Variants in CDC42BPA observed in about 807,000 individuals in gnomAD.
CDC42BPA encodes the protein serine/threonine-protein kinase MRCK alpha.
CDC42BPA carries 80 observed loss-of-function variants against 223.5 expected under a neutral mutation model. That is an observed-to-expected ratio of 0.36 (90% confidence interval 0.30 to 0.43). The LOEUF is 0.43. Ranked by LOEUF, CDC42BPA falls within the 20% of genes least tolerant of loss-of-function variation. The pLI, the probability that CDC42BPA is intolerant of heterozygous loss-of-function variation, is 1.00. For missense variants in CDC42BPA, 1,743 were observed against 2,099.9 expected, an observed-to-expected ratio of 0.83 and a Z score of 3.32; for synonymous variants, 694 against 718.6, an observed-to-expected ratio of 0.97 and a Z score of 0.55.
At chr1:227,177,940 AT>A (rs35468760) in intron 5 of CDC42BPA, among the ~76,000 whole-genome samples, 17,000 of 151,612 alleles carry the variant, frequency 0.11, 1,220 homozygotes, top group South Asian at 0.21. Context: ...AAGACATTTA[AT>A]TTTTTTTTCC....
At chr1:227,187,506 A>G (rs1668979862) in intron 5 of CDC42BPA, among the ~76,000 whole-genome samples, 1 of 151,374 alleles carries the variant, frequency 6.6e-6, no homozygotes. Context: ...AAAACAGAAC[A>G]GAATATCCAA....
chr1:227,061,788 T>C (rs1675964265), intron 21 of CDC42BPA, among the ~76,000 whole-genome samples: 1 of 152,198 alleles, frequency 6.6e-6, no homozygotes, highest in Non-Finnish European at 1.5e-5. Flanking sequence ...CTTCACCCTT[T>C]CTTCAATGGA....
At chr1:227,068,653 C>T (rs959297123) in intron 21 of CDC42BPA, 17 of 1,190,226 alleles carry the variant, frequency 1.4e-5, no homozygotes, top group African/African-American at 3.3e-5. Flanking sequence ...CAAAGACTTA[C>T]GTCATCCAAA....
intron 28 of CDC42BPA, 143 bp downstream of exon 28, chr1:227,031,155 C>T (rs1290138478): frequency 1.1e-5 from 7 of 651,120 alleles, no homozygotes; most frequent in African/African-American, 5.5e-5. Context: ...AGGTCTCATT[C>T]ATTCAGTAAA....
At chr1:227,163,655 T>A (rs1664507192) in intron 5 of CDC42BPA, among the ~76,000 whole-genome samples, 1 of 151,962 alleles carries the variant, frequency 6.6e-6, no homozygotes, top group Non-Finnish European at 1.5e-5. Flanking sequence ...AACTTAGTTC[T>A]TCATGATGTG....
chr1:226,994,804 C>T lies in CDC42BPA; in HGVS notation c.5133+19G>A, dbSNP rs201650255. ...TAGTCTTTCTGATACATGACGTCTC[C>T]GGAACCCTGCCCACTCACCTCTCCG... On this transcript the variant is annotated intron_variant, in intron 36 of 36. Coordinates refer to ENST00000366766, the MANE Select transcript of CDC42BPA (RefSeq NM_001394014.1). The surrounding 1 kb of genome is among the most constrained non-coding windows in gnomAD (Gnocchi z 4.0). The T allele has an allele frequency of 9.3e-5, 148 of 1,597,304 alleles. No homozygotes were observed. Among genetic ancestry groups the T allele is most frequent in the Middle Eastern group, 3.4e-4 (2 of 5,934 alleles).
chr1:227,167,155 T>G (rs1054140589), intron 5 of CDC42BPA, among the ~76,000 whole-genome samples: 41 of 152,326 alleles, frequency 2.7e-4, no homozygotes, highest in African/African-American at 9.6e-4. Flanking sequence ...GCATTCCATA[T>G]TTGGTAAAAT....
At position 227,145,660 on chromosome 1, in the gene CDC42BPA, G is replaced by A; in HGVS notation, c.972C>T (p.Ser324=). Residue 324 remains serine (S), a synonymous_variant, in exon 8 of 37, where the codon AGC becomes AGT. Transcript: ENST00000366766. ...AKDLIRRLIC[S]REHRLGQNGI... ...CATTTTGACCAAGTCGATGTTCTCT[G>A]CTACAAATGAGCCTTCGAATAAGAT... The A allele has an allele frequency of 6.2e-7, 1 of 1,613,724 alleles. No individual in the cohort carries two copies. Among genetic ancestry groups the A allele is most frequent in the Non-Finnish European group, 8.5e-7 (1 of 1,179,748 alleles).
At chr1:227,121,224 G>C (rs1688615488) in intron 11 of CDC42BPA, among the ~76,000 whole-genome samples, 1 of 152,168 alleles carries the variant, frequency 6.6e-6, no homozygotes, top group Non-Finnish European at 1.5e-5. Context: ...ACCTAATGAA[G>C]CAGAATCTAT....
intron 5 of CDC42BPA, among the ~76,000 whole-genome samples, chr1:227,188,511 T>C (rs1036022311): frequency 6.6e-6 from 1 of 152,086 alleles, no homozygotes; most frequent in Non-Finnish European, 1.5e-5. Context: ...TGGAAAACTA[T>C]GGTACATGCC....
chr1:227,109,893 C>T (rs1345762929), intron 14 of CDC42BPA, among the ~76,000 whole-genome samples: 1 of 151,762 alleles, frequency 6.6e-6, no homozygotes, highest in African/African-American at 2.4e-5. Flanking sequence ...CTGATCAAAA[C>T]GTCACGATCT....
chr1:227,110,529 T>C (rs548758511), intron 14 of CDC42BPA, among the ~76,000 whole-genome samples: 24 of 152,320 alleles, frequency 1.6e-4, no homozygotes, highest in Admixed American at 1.1e-3. Context: ...TGGGTTTACA[T>C]TGTACTCTAT....
At chr1:227,139,472 C>T in intron 10 of CDC42BPA, 104 bp downstream of exon 10, 6 of 723,980 alleles carry the variant, frequency 8.3e-6, no homozygotes, top group Non-Finnish European at 1.3e-5. Context: ...TTTTTCACCA[C>T]TTAAAATAAT....
intron 10 of CDC42BPA, among the ~76,000 whole-genome samples, chr1:227,131,523 T>C (rs1657102844): frequency 6.6e-6 from 1 of 152,192 alleles, no homozygotes; most frequent in Non-Finnish European, 1.5e-5. Context: ...GATATGAAGA[T>C]GGAATTCTTG....
intron 14 of CDC42BPA, among the ~76,000 whole-genome samples, chr1:227,110,924 T>C (rs1205204790): frequency 1.3e-5 from 2 of 152,246 alleles, no homozygotes; most frequent in African/African-American, 4.8e-5. Flanking sequence ...TGACCAATTC[T>C]ACCACATGAT....
chr1:227,011,005 T>A, intron 34 of CDC42BPA: 1 of 1,361,420 alleles, frequency 7.3e-7, no homozygotes, highest in Non-Finnish European at 9.8e-7. Flanking sequence ...GTGTTCAAAG[T>A]TGATCGGAGA....
intron 16 of CDC42BPA, among the ~76,000 whole-genome samples, chr1:227,085,713 C>T (rs568553324): frequency 5.3e-5 from 8 of 152,222 alleles, no homozygotes; most frequent in Non-Finnish European, 1.0e-4. Context: ...TCCAGGGAAG[C>T]TATCACTCAC....
chr1:227,145,373 T>G, intron 8 of CDC42BPA, 116 bp downstream of exon 8: 1 of 841,476 alleles, frequency 1.2e-6, no homozygotes, highest in South Asian at 2.0e-5. Context: ...GATCACTGAC[T>G]AATAACTGAT....
intron 7 of CDC42BPA, among the ~76,000 whole-genome samples, chr1:227,146,408 A>G (rs954590987): frequency 3.3e-5 from 5 of 152,156 alleles, no homozygotes; most frequent in African/African-American, 4.8e-5. Context: ...TCAACTCTTT[A>G]TAACTATATG....
Sources: gnomAD v4.1 joint callset for allele counts (sites outside exome capture counted in the v4.1 genomes callset) on GRCh38, gnomAD v4.1.1 for gene constraint, Gnocchi (gnomAD v3.1) non-coding constraint, MANE v1.5 for transcripts, NCBI Gene and HGNC (gene_info 2026-07-23, HGNC 2026-07-21) for gene names.